Variants in BFSP1 observed in about 807,000 individuals in gnomAD.
BFSP1 encodes beaded filament structural protein 1.
Under a neutral mutation model 43.9 loss-of-function variants are expected in BFSP1, and 38 were observed. The observed-to-expected ratio is 0.87, with a 90% CI of 0.67 to 1.14. BFSP1 has a LOEUF of 1.14. BFSP1 is among the 50% of genes most tolerant of loss of function. The probability of loss-of-function intolerance (pLI) is 0.00; values close to 1 mark genes in which losing one functional copy is unlikely to be tolerated. For synonymous variants in BFSP1, 352 were observed against 354.8 expected, an observed-to-expected ratio of 0.99 and a Z score of 0.09; for missense variants, 850 against 875.1, an observed-to-expected ratio of 0.97 and a Z score of 0.36.
At chr20:17,565,687 T>C (rs1271660490) in intron 1 of BFSP1, 3 of 152,178 alleles carry the variant, frequency 2.0e-5, no homozygotes, top group Non-Finnish European at 4.4e-5. Flanking sequence ...CTGACATCAG[T>C]GGTTACCTCT....
At chr20:17,522,363 C>T (rs2034336068) in intron 2 of BFSP1, among the ~76,000 whole-genome samples, 2 of 152,166 alleles carry the variant, frequency 1.3e-5, no homozygotes, top group African/African-American at 4.8e-5. Context: ...CCAATAACCA[C>T]GGGCTGTTCT....
chr20:17,523,941 C>T (rs2034367406), intron 2 of BFSP1, among the ~76,000 whole-genome samples: 1 of 151,972 alleles, frequency 6.6e-6, no homozygotes, highest in South Asian at 2.1e-4. Flanking sequence ...GCTTGGAGTT[C>T]CATGTGGCAA....
intron 1 of BFSP1, among the ~76,000 whole-genome samples, chr20:17,543,925 T>C (rs747258937): frequency 7.9e-5 from 12 of 152,212 alleles, no homozygotes; most frequent in Non-Finnish European, 2.9e-5. Context: ...CCAAAAGAGT[T>C]GTTGTGAGAC....
At position 17,567,518 on chromosome 20, in the gene BFSP1, G is replaced by A. The variant is rs184033948; in HGVS notation, n.50+1653C>T. Among the ~76,000 whole-genome samples, 107 of 152,144 alleles carry A rather than the reference G, an allele frequency of 7.0e-4. 1 individual carries two copies. Among genetic ancestry groups the A allele is most frequent in the South Asian group, 1.3e-3 (6 of 4,788 alleles). ...ATCTAAGACTCCACCCCTCAACCCC[G>A]GAATCTGCAGTTTAACAAGGATCTC... On this transcript the variant is annotated intron_variant and non_coding_transcript_variant, in intron 1 of 6. Transcript: ENST00000473415.
intron 1 of BFSP1, among the ~76,000 whole-genome samples, chr20:17,528,985 C>A (rs893408083): frequency 1.3e-5 from 2 of 152,066 alleles, no homozygotes; most frequent in Non-Finnish European, 2.9e-5. Flanking sequence ...TCTTGAGGTC[C>A]AGGGTAGAGC....
At chr20:17,511,952 G>A (rs2034091487) in intron 4 of BFSP1, 24 bp downstream of exon 4, 1 of 1,563,646 alleles carries the variant, frequency 6.4e-7, no homozygotes, top group Admixed American at 1.7e-5. Flanking sequence ...GGGCTGGTTT[G>A]CCTTTTCCTG....
chr20:17,532,386 C>G (rs1305059932), upstream of BFSP1, among the ~76,000 whole-genome samples: 1 of 132,338 alleles, frequency 7.6e-6, no homozygotes, highest in Non-Finnish European at 1.5e-5. Context: ...GCCTGGGTAA[C>G]AGAGTGAGAC....
intron 2 of BFSP1, among the ~76,000 whole-genome samples, chr20:17,521,441 T>C (rs1404189790): frequency 2.0e-5 from 3 of 152,194 alleles, no homozygotes; most frequent in Non-Finnish European, 4.4e-5. Context: ...GGATCAGTGA[T>C]GTCCCACGGC....
At chr20:17,496,116 G>A (rs117985418) in intron 7 of BFSP1, among the ~76,000 whole-genome samples, 3,185 of 152,298 alleles carry the variant, frequency 0.021, 89 homozygotes, top group East Asian at 0.11. Context: ...AGCATTAGCA[G>A]AGCATTCAGC....
chr20:17,507,815 C>A lies in BFSP1; in HGVS notation c.735+1074G>T, dbSNP rs777134519. On this transcript the variant is annotated intron_variant, in intron 5 of 7. Coordinates refer to ENST00000377873, the MANE Select transcript of BFSP1 (RefSeq NM_001195.5). This position sits in a 1 kb window ranked among gnomAD's most constrained non-coding sequence, Gnocchi z 4.4. Reference sequence around the variant, plus strand: ...GTGCCTTACTTGGTTCCTCCTGCTGCGATCGTCAGTTCAGGGGACCACCAC... The same window carrying A: ...GTGCCTTACTTGGTTCCTCCTGCTGAGATCGTCAGTTCAGGGGACCACCAC... 6.6e-6 allele frequency among the ~76,000 whole-genome samples: 1 copy of A among 152,148 alleles called. No homozygotes were observed. The highest frequency in any genetic ancestry group is 1.5e-5 in the Non-Finnish European group (1 of 68,046).
intron 2 of BFSP1, among the ~76,000 whole-genome samples, chr20:17,521,612 T>C (rs907237328): frequency 6.6e-6 from 1 of 152,224 alleles, no homozygotes; most frequent in African/African-American, 2.4e-5. Context: ...GCCTCTTTCA[T>C]GTCATCTGAT....
At position 17,494,661 on chromosome 20, in the gene BFSP1, C is replaced by T. The variant is rs778772384; in HGVS notation, c.1411G>A (p.Val471Met). Residue 471 changes from valine to methionine, a missense_variant, in exon 8 of 8, where the codon GTG becomes ATG. By Grantham distance (21) the Val-to-Met change is conservative (BLOSUM62 1). Coordinates refer to ENST00000377873, the MANE Select transcript of BFSP1 (RefSeq NM_001195.5). ...PTELYTKERH[V>M]LVTGDANYVD... ...TAATTGGCATCCCCTGTGACCAGCA[C>T]GTGCCGCTCTTTGGTGTAGAGCTCA... The T allele has an allele frequency of 1.4e-5, 22 of 1,614,200 alleles. No homozygotes were observed. In the East Asian group the frequency reaches 4.5e-4, roughly 33 times the overall value.
At chr20:17,503,560 C>G (rs1184088374) in intron 5 of BFSP1, among the ~76,000 whole-genome samples, 7 of 152,180 alleles carry the variant, frequency 4.6e-5, no homozygotes, top group Non-Finnish European at 1.0e-4. Context: ...GTCATTATTT[C>G]CACTTTACAG....
Position 17,531,287 on chromosome 20 carries a change from A to C in BFSP1, c.43T>G (p.Tyr15Asp), listed in dbSNP as rs1366031624. ...SYVFQTRKEQ[Y>D]EHADEASRAA... ...CGCGAAGCCTCGTCGGCGTGCTCGT[A>C]CTGCTCCTTGCGGGTCTGGAAGACG... The change falls in exon 1 of 8, where the codon TAC becomes GAC. Residue 15 changes from tyrosine to aspartate, a missense_variant. By Grantham distance (160) the Tyr-to-Asp change is radical. Transcript: ENST00000377873. 3 of 1,474,642 alleles carry C rather than the reference A, an allele frequency of 2.0e-6. No individual in the cohort carries two copies. Among genetic ancestry groups the C allele is most frequent in the Non-Finnish European group, 2.7e-6 (3 of 1,118,390 alleles). 91.3% of individuals were successfully genotyped at this position (1,474,642 alleles called of 1,614,324 possible).
intron 1 of BFSP1, among the ~76,000 whole-genome samples, chr20:17,530,463 G>C (rs983604181): frequency 6.6e-6 from 1 of 152,204 alleles, no homozygotes; most frequent in Non-Finnish European, 1.5e-5. Flanking sequence ...CCAGACAATA[G>C]AGTACATCCC....
chr20:17,494,429 G>A lies in BFSP1; in HGVS notation c.1643C>T (p.Pro548Leu). 1.2e-6 allele frequency: 2 copies of A among 1,614,184 alleles called. No individual in the cohort carries two copies. Among genetic ancestry groups the A allele is most frequent in the Non-Finnish European group, 1.7e-6 (2 of 1,180,036 alleles). ...DQQPIDKEIEPDGAELEGPEE... is the reference protein window; with the variant it reads ...DQQPIDKEIELDGAELEGPEE... ...AGGGCCTTCCAGCTCTGCACCATCT[G>A]GCTCAATCTCCTTGTCTATAGGCTG... is the stretch of plus-strand genomic sequence containing the variant. The change falls in exon 8 of 8, where the codon CCA becomes CTA. Residue 548 changes from proline (P) to leucine (L), a missense_variant. Transcript: ENST00000377873.
chr20:17,568,544 A>G (rs770708249), intron 1 of BFSP1, among the ~76,000 whole-genome samples: 1 of 152,108 alleles, frequency 6.6e-6, no homozygotes, highest in Non-Finnish European at 1.5e-5. Context: ...GCCCATTCTC[A>G]AGCATCATCT....
chr20:17,511,478 A>G (rs1414130250), intron 4 of BFSP1, among the ~76,000 whole-genome samples: 4 of 152,192 alleles, frequency 2.6e-5, no homozygotes, highest in African/African-American at 9.7e-5. Context: ...TACTTCCACA[A>G]AGAAGCTATC....
At position 17,531,301 on chromosome 20, in the gene BFSP1, G is replaced by A. The variant is rs2075081546; in HGVS notation, c.29C>T (p.Thr10Ile). ...GGCGTGCTCGTACTGCTCCTTGCGG[G>A]TCTGGAAGACGTAGCTGCGCCGGTA... MYRRSYVFQTRKEQYEHADE... is the reference protein window; with the variant it reads MYRRSYVFQIRKEQYEHADE... The change falls in exon 1 of 8, where the codon ACC becomes ATC. Residue 10 changes from threonine to isoleucine, a missense_variant. Physicochemically the swap from Thr to Ile is moderately conservative, Grantham distance 89. Coordinates refer to ENST00000377873, the MANE Select transcript of BFSP1 (RefSeq NM_001195.5). 4.1e-6 allele frequency: 6 copies of A among 1,472,274 alleles called. No individual in the cohort carries two copies. The highest frequency in any genetic ancestry group is 5.4e-6 in the Non-Finnish European group (6 of 1,118,492). The allele number at this position is 1,472,274 out of a possible 1,614,324, so 91.2% of individuals were successfully genotyped here. A position where few individuals can be genotyped will look rare whatever the true frequency, so the allele number is the denominator to read the frequency against.
Sources: gnomAD v4.1 joint callset for allele counts (sites outside exome capture counted in the v4.1 genomes callset) on GRCh38, gnomAD v4.1.1 for gene constraint, Gnocchi (gnomAD v3.1) non-coding constraint, MANE v1.5 for transcripts, NCBI Gene and HGNC (gene_info 2026-07-23, HGNC 2026-07-21) for gene names.